TUT4: variants seen among roughly 807,000 people sequenced by gnomAD.
The protein encoded by TUT4 is terminal uridylyltransferase 4.
In TUT4, 36 loss-of-function variants were observed where a neutral mutation model predicts 192.2. That is an observed-to-expected ratio of 0.19 (90% CI 0.14 to 0.25). The LOEUF is 0.25. Ranked by LOEUF, TUT4 falls within the 10% of genes least tolerant of loss-of-function variation. The pLI is 1.00. For missense variants in TUT4, 1,493 were observed against 1,957.2 expected, an observed-to-expected ratio of 0.76 and a Z score of 4.47; for synonymous variants, 618 against 666.0, an observed-to-expected ratio of 0.93 and a Z score of 1.11.
chr1:52,449,790 C>T (rs1290883473), intron 20 of TUT4, among the ~76,000 whole-genome samples: 1 of 152,130 alleles, frequency 6.6e-6, no homozygotes, highest in Non-Finnish European at 1.5e-5. Context: ...TTTCTCCCTC[C>T]TTGAGATTCC....
intron 13 of TUT4, among the ~76,000 whole-genome samples, chr1:52,472,874 C>G (rs898226355): frequency 2.6e-5 from 4 of 152,030 alleles, no homozygotes; most frequent in Non-Finnish European, 5.9e-5. Context: ...GTGTCTTTCT[C>G]CAATGTTAGC....
chr1:52,424,104 A>G, intron 29 of TUT4, 102 bp from the exon 30 acceptor site: 1 of 1,195,170 alleles, frequency 8.4e-7, no homozygotes, highest in Non-Finnish European at 1.2e-6. Flanking sequence ...TTCTATTTAT[A>G]TAATAGGAGG....
chr1:52,531,707 A>ATTCC, intron 1 of TUT4, among the ~76,000 whole-genome samples: 1 of 152,136 alleles, frequency 6.6e-6, no homozygotes, highest in South Asian at 2.1e-4. Flanking sequence ...ATAACTAGGA[A>ATTCC]ATGTCTCTCT....
chr1:52,528,431 C>A (rs966460126), intron 1 of TUT4, among the ~76,000 whole-genome samples: 4 of 147,898 alleles, frequency 2.7e-5, no homozygotes, highest in Admixed American at 1.4e-4. Flanking sequence ...GCAGAGGTTG[C>A]GGTGAGCCAA....
chr1:52,466,435 G>A (rs1664155140), intron 15 of TUT4, among the ~76,000 whole-genome samples: 2 of 151,616 alleles, frequency 1.3e-5, no homozygotes, highest in African/African-American at 4.8e-5. Context: ...TTGAGTTCAG[G>A]AGTTTGAGAC....
chr1:52,521,376 A>G (rs1680219795), intron 2 of TUT4, among the ~76,000 whole-genome samples: 1 of 152,148 alleles, frequency 6.6e-6, no homozygotes, highest in South Asian at 2.1e-4. Flanking sequence ...CAAATAGATA[A>G]TGATCTAGCC....
At chr1:52,551,550 A>G (rs1237111785) in intron 1 of TUT4, among the ~76,000 whole-genome samples, 1 of 152,270 alleles carries the variant, frequency 6.6e-6, no homozygotes, top group African/African-American at 2.4e-5. Flanking sequence ...ACTAGACACT[A>G]ATGAGTTATC....
chr1:52,514,399 C>A (rs1043499161), intron 3 of TUT4, among the ~76,000 whole-genome samples: 2 of 152,124 alleles, frequency 1.3e-5, no homozygotes, highest in African/African-American at 4.8e-5. Flanking sequence ...TGAGATCATG[C>A]CAATGTACTC....
Position 52,495,407 on chromosome 1 carries a change from G to C in TUT4, c.1266+20C>G. The C allele has an allele frequency of 4.0e-6, 6 of 1,486,734 alleles. No homozygotes were observed. Among genetic ancestry groups the C allele is most frequent in the Non-Finnish European group, 5.6e-6 (6 of 1,072,906 alleles). 92.1% of individuals were successfully genotyped at this position (1,486,734 alleles called of 1,614,324 possible). On this transcript the variant is annotated intron_variant, in intron 6 of 29. Transcript: ENST00000257177. The stretch of plus-strand genomic sequence containing the variant: ...TAAGTACTAGTTAAGAACCACACAG[G>C]AAAGATTCTAATTACTTACCTTGGG...
chr1:52,483,126 A>G (rs1198437181), intron 9 of TUT4, among the ~76,000 whole-genome samples: 2 of 152,156 alleles, frequency 1.3e-5, no homozygotes, highest in Admixed American at 6.5e-5. Context: ...ATAATTTTCA[A>G]TGGGATGGGT....
intron 4 of TUT4, among the ~76,000 whole-genome samples, chr1:52,507,151 TC>T (rs938717205): frequency 5.9e-5 from 9 of 152,204 alleles, no homozygotes; most frequent in African/African-American, 2.2e-4. Context: ...CTCTGACAAT[TC>T]TTTCCCTGGG....
chr1:52,500,140 T>C (rs893609037), intron 4 of TUT4, among the ~76,000 whole-genome samples: 3 of 146,722 alleles, frequency 2.0e-5, no homozygotes, highest in African/African-American at 7.5e-5. Context: ...AAGAACAGAG[T>C]GCCCAGAAAT....
chr1:52,435,237 G>C, intron 27 of TUT4, 128 bp downstream of exon 27: 1 of 590,080 alleles, frequency 1.7e-6, no homozygotes, highest in Non-Finnish European at 2.8e-6. Flanking sequence ...TGCCTAGCAA[G>C]GACATATATA....
chr1:52,438,737 A>G (rs750626296), intron 24 of TUT4, among the ~76,000 whole-genome samples: 7 of 152,196 alleles, frequency 4.6e-5, no homozygotes, highest in Non-Finnish European at 7.3e-5. Flanking sequence ...GCTTTCTGCT[A>G]TATCGGGCTA....
At chr1:52,548,878 G>A (rs1385052634) in intron 1 of TUT4, among the ~76,000 whole-genome samples, 1 of 152,168 alleles carries the variant, frequency 6.6e-6, no homozygotes, top group Non-Finnish European at 1.5e-5. Flanking sequence ...GCTCTTCAAT[G>A]CCTTAAGCTA....
chr1:52,489,081 A>C (rs752560897), intron 8 of TUT4, 46 bp from the exon 9 acceptor site: 28 of 1,548,610 alleles, frequency 1.8e-5, no homozygotes, highest in Non-Finnish European at 2.3e-5. Context: ...ATACCCTTAA[A>C]AGCAGAATAC....
At chr1:52,461,995 T>C (rs1472376711) in intron 16 of TUT4, 1 of 360,862 alleles carries the variant, frequency 2.8e-6, no homozygotes, top group Admixed American at 4.4e-5. Context: ...AATCATAATC[T>C]GCATTTTAAC....
intron 1 of TUT4, among the ~76,000 whole-genome samples, chr1:52,547,467 C>T (rs1688372850): frequency 6.6e-6 from 1 of 152,012 alleles, no homozygotes; most frequent in South Asian, 2.1e-4. Flanking sequence ...AACAGTTTGG[C>T]AGTTCCTCAT....
chr1:52,445,892 A>G (rs1018139797), intron 23 of TUT4, 23 bp from the exon 24 acceptor site: 13 of 1,602,870 alleles, frequency 8.1e-6, no homozygotes, highest in Middle Eastern at 1.7e-4. Flanking sequence ...GAAGAAAACA[A>G]TAAAGATGCA....
Sources: allele counts gnomAD v4.1 joint callset (sites outside exome capture counted in the v4.1 genomes callset), GRCh38; gene constraint gnomAD v4.1.1; transcripts MANE v1.5; gene names NCBI Gene and HGNC (gene_info 2026-07-23, HGNC 2026-07-21).